Variants in BAZ2B observed in about 807,000 individuals in gnomAD.
BAZ2B encodes bromodomain adjacent to zinc finger domain protein 2B.
Under a neutral mutation model 246.0 loss-of-function variants are expected in BAZ2B, and 91 were observed. The ratio of observed to expected loss-of-function variants is 0.37; its 90% CI spans 0.31 to 0.44. The LOEUF (loss-of-function observed/expected upper bound fraction) is 0.44. Among genes scored for constraint, BAZ2B ranks in the 20% least tolerant of loss-of-function variants. The probability of loss-of-function intolerance (pLI) is 1.00; values close to 1 mark genes in which losing one functional copy is unlikely to be tolerated. For missense variants in BAZ2B, 2,332 were observed against 2,533.7 expected (o/e 0.92, Z 1.71); for synonymous variants, 855 against 860.0 (o/e 0.99, Z 0.10).
At chr2:159,607,677 GCTCTAGCT>G (rs571702065) in intron 1 of BAZ2B, among the ~76,000 whole-genome samples, 3 of 152,166 alleles carry the variant, frequency 2.0e-5, no homozygotes, top group Non-Finnish European at 4.4e-5. Context: ...CTAATATAGA[GCTCTAGCT>G]CTATATTTGT....
chr2:159,534,777 T>C (rs548217249), intron 2 of BAZ2B, among the ~76,000 whole-genome samples: 1 of 152,244 alleles, frequency 6.6e-6, no homozygotes, highest in East Asian at 1.9e-4. Flanking sequence ...CAGCTAATTT[T>C]TGTATTTTTA....
the BAZ2B span, among the ~76,000 whole-genome samples, chr2:159,635,576 T>C: frequency 6.6e-6 from 1 of 151,990 alleles, no homozygotes; most frequent in Non-Finnish European, 1.5e-5. Context: ...CTGTTTGTTA[T>C]TTCTGGTTGC....
chr2:159,590,622 G>C (rs1210613468), intron 1 of BAZ2B, among the ~76,000 whole-genome samples: 2 of 151,958 alleles, frequency 1.3e-5, no homozygotes, highest in African/African-American at 4.8e-5. Flanking sequence ...TAGATAGATA[G>C]ATAGCTTGGA....
chr2:159,452,714 T>C (rs1024276928), intron 4 of BAZ2B, among the ~76,000 whole-genome samples: 5 of 152,240 alleles, frequency 3.3e-5, no homozygotes, highest in Admixed American at 2.6e-4. Flanking sequence ...GATGTCTTAC[T>C]GAACTACTAA....
intron 1 of BAZ2B, among the ~76,000 whole-genome samples, chr2:159,567,356 G>C (rs1211481239): frequency 6.6e-6 from 1 of 152,118 alleles, no homozygotes; most frequent in African/African-American, 2.4e-5. Flanking sequence ...GTCATATACA[G>C]CTTTTATTTG....
downstream of BAZ2B, among the ~76,000 whole-genome samples, chr2:159,316,262 T>TA (rs942096996): frequency 1.3e-5 from 2 of 152,076 alleles, no homozygotes; most frequent in Non-Finnish European, 2.9e-5. Flanking sequence ...ATTTGAGGTT[T>TA]AAAAAAAATT....
At chr2:159,406,312 C>T (rs971852508) in intron 14 of BAZ2B, among the ~76,000 whole-genome samples, 4 of 152,166 alleles carry the variant, frequency 2.6e-5, no homozygotes, top group African/African-American at 9.7e-5. Flanking sequence ...GAGATTGGGA[C>T]ACAGGGAGCA....
intron 2 of BAZ2B, among the ~76,000 whole-genome samples, chr2:159,533,808 TAC>T (rs2085628499): frequency 1.3e-5 from 2 of 152,310 alleles, no homozygotes; most frequent in South Asian, 4.1e-4. Flanking sequence ...CCAAAAGATA[TAC>T]AGTTTCCATG....
intron 2 of BAZ2B, among the ~76,000 whole-genome samples, chr2:159,534,997 TG>T (rs1306053089): frequency 3.3e-5 from 5 of 152,190 alleles, no homozygotes; most frequent in Non-Finnish European, 5.9e-5. Flanking sequence ...TCTAGAAACT[TG>T]TCTTATTTCT....
intron 2 of BAZ2B, among the ~76,000 whole-genome samples, chr2:159,521,853 T>C (rs1346976037): frequency 6.6e-6 from 1 of 152,034 alleles, no homozygotes; most frequent in Non-Finnish European, 1.5e-5. Flanking sequence ...AAATTTTTTA[T>C]CAATATTTCA....
At chr2:159,467,187 G>A (rs1577380713) in intron 3 of BAZ2B, among the ~76,000 whole-genome samples, 2 of 152,274 alleles carry the variant, frequency 1.3e-5, no homozygotes, top group East Asian at 3.9e-4. Flanking sequence ...AGACAAATTT[G>A]AGAAGGCAGG....
chr2:159,374,893 A>T, intron 25 of BAZ2B, 140 bp from the exon 26 acceptor site: 1 of 686,122 alleles, frequency 1.5e-6, no homozygotes, highest in Non-Finnish European at 2.4e-6. Flanking sequence ...ATAATCTGGT[A>T]GAGAGATACA....
At chr2:159,696,418 G>A in the BAZ2B span, among the ~76,000 whole-genome samples, 2 of 152,186 alleles carry the variant, frequency 1.3e-5, no homozygotes, top group South Asian at 2.1e-4. Flanking sequence ...TTAGTTTTCA[G>A]AGGGCATTTA....
chr2:159,332,820 T>C, intron 33 of BAZ2B, 134 bp from the exon 34 acceptor site: 3 of 1,007,670 alleles, frequency 3.0e-6, no homozygotes, highest in South Asian at 3.3e-5. Context: ...ACAGTAGCCA[T>C]ACACATCTAT....
chr2:159,421,897 C>T (rs977458117), intron 13 of BAZ2B, among the ~76,000 whole-genome samples: 6 of 151,972 alleles, frequency 3.9e-5, no homozygotes, highest in Admixed American at 6.6e-5. Flanking sequence ...TAAAGTTTGA[C>T]AATAAAAAAT....
At chr2:159,410,127 A>G (rs2066587235) in intron 14 of BAZ2B, among the ~76,000 whole-genome samples, 1 of 152,210 alleles carries the variant, frequency 6.6e-6, no homozygotes, top group Non-Finnish European at 1.5e-5. Flanking sequence ...TATTTTATGC[A>G]AACAATGTCC....
rs2072792731 is a variant in BAZ2B at position 159,438,317 on chromosome 2, A to G, written c.1279T>C (p.Leu427=). The change falls in exon 8 of 37, where the codon TTG becomes CTG. Residue 427 remains leucine (L), a synonymous_variant. Coordinates refer to ENST00000392783, the MANE Select transcript of BAZ2B (RefSeq NM_013450.4). ...TTGTAACTCACCCGTTTGGATCTCA[A>G]TTCACTGGTCAATAAACTAGATTCT... ...SEESSLLTSE[L]RSKREQYKQA... is the part of the protein sequence containing the mutation. 4 of 1,613,158 alleles carry G rather than the reference A, an allele frequency of 2.5e-6. No homozygotes were observed. The highest frequency in any genetic ancestry group is 1.7e-5 in the Admixed American group (1 of 59,856).
Position 159,432,935 on chromosome 2 carries a change from T to G in BAZ2B, c.1722A>C (p.Pro574=). Residue 574 remains proline, a synonymous_variant, in exon 9 of 37, where the codon CCA becomes CCC. Coordinates refer to ENST00000392783, the MANE Select transcript of BAZ2B (RefSeq NM_013450.4). ...KEKAVSNNVN[P]VKTQHHSHPA... Reference sequence around the variant, plus strand: ...GATGGGAGTGATGCTGTGTTTTTACTGGGTTTACATTATTGCTAACTGCTT... The same window carrying G: ...GATGGGAGTGATGCTGTGTTTTTACGGGGTTTACATTATTGCTAACTGCTT... 1 of 1,614,138 alleles carries G rather than the reference T, an allele frequency of 6.2e-7. No homozygotes were observed. The highest frequency in any genetic ancestry group is 1.1e-5 in the South Asian group (1 of 91,088).
At chr2:159,551,128 T>C (rs1031128102) in intron 2 of BAZ2B, among the ~76,000 whole-genome samples, 1 of 152,090 alleles carries the variant, frequency 6.6e-6, no homozygotes, top group Non-Finnish European at 1.5e-5. Context: ...TGAGAGCCAC[T>C]GTGCCCAGGC....
Sources: allele counts gnomAD v4.1 joint callset (sites outside exome capture counted in the v4.1 genomes callset), GRCh38; gene constraint gnomAD v4.1.1; transcripts MANE v1.5; gene names NCBI Gene and HGNC (gene_info 2026-07-23, HGNC 2026-07-21).